The following GTF3C3 variants were observed in gnomAD, a reference collection of about 807,000 sequenced individuals.
GTF3C3 encodes the protein general transcription factor 3C polypeptide 3.
GTF3C3 carries 75 observed loss-of-function variants against 105.2 expected under a neutral mutation model. The ratio of observed to expected loss-of-function variants is 0.71; its 90% confidence interval spans 0.59 to 0.86. The LOEUF is 0.86. Among genes scored for constraint, GTF3C3 ranks in the 40% least tolerant of loss-of-function variants. The pLI is 0.00. For synonymous variants in GTF3C3, 335 were observed against 370.4 expected (o/e 0.90, Z 1.10); for missense variants, 856 against 1,076.5 (o/e 0.80, Z 2.87).
At chr2:196,791,995 G>A (rs1420721301) in intron 3 of GTF3C3, 1 of 149,420 alleles carries the variant, frequency 6.7e-6, no homozygotes, top group East Asian at 2.0e-4. Context: ...GTGGTCAGAA[G>A]TTACTAAATT....
chr2:196,764,464 T>TGTCA lies in GTF3C3; in HGVS notation c.*95_*98dup. 1 of 1,059,612 alleles carries TGTCA rather than the reference T, an allele frequency of 9.4e-7. No homozygotes were observed. Among genetic ancestry groups the TGTCA allele is most frequent in the Non-Finnish European group, 1.3e-6 (1 of 753,854 alleles). 65.6% of individuals were successfully genotyped at this position (1,059,612 alleles called of 1,614,324 possible). A position where few individuals can be genotyped will look rare whatever the true frequency, so the allele number is the denominator to read the frequency against. ...ACTGTTTGTTAGGTAATTCTGAAAT[T>TGTCA]GTCATTTCTATTTTGGAGTTACAAA... On this transcript the variant is annotated 3_prime_UTR_variant, in exon 18 of 18. Coordinates refer to ENST00000263956, the MANE Select transcript of GTF3C3 (RefSeq NM_012086.5).
chr2:196,772,922 T>G lies in GTF3C3; in HGVS notation c.2063A>C (p.Tyr688Ser). ...TAAATAACTGGGAAATCACCTGATA[T>G]AGTTGTATGCCTTTCTGAAATTTTT... ...LDKNFRKAYN[Y>S]IRIMVMENVN... The change falls in exon 14 of 18, where the codon TAT becomes TCT. Residue 688 changes from tyrosine (Y) to serine (S), a missense_variant. Physicochemically the swap from Tyr to Ser is moderately radical, Grantham distance 144. Transcript: ENST00000263956. 2.1e-6 allele frequency: 3 copies of G among 1,442,304 alleles called. No homozygotes were observed. The highest frequency in any genetic ancestry group is 1.9e-6 in the Non-Finnish European group (2 of 1,051,194). The allele number at this position is 1,442,304 out of a possible 1,614,324, so 89.3% of individuals were successfully genotyped here.
intron 8 of GTF3C3, among the ~76,000 whole-genome samples, chr2:196,783,043 C>G (rs1443130725): frequency 2.6e-5 from 4 of 152,240 alleles, no homozygotes; most frequent in African/African-American, 9.6e-5. Context: ...CATAAATGGT[C>G]TCATTTTTTA....
rs1019484735 is a variant in GTF3C3 at position 196,780,682 on chromosome 2, G to A, written c.1115-20C>T. ...CAGGAGCTGGAGAATACACAGACAA[G>A]AAGCAGTTACTATATGCAAGCTTGA... On this transcript the variant is annotated intron_variant, in intron 8 of 17. Transcript: ENST00000263956. The A allele has an allele frequency of 3.1e-6, 5 of 1,605,096 alleles. No individual in the cohort carries two copies. Among genetic ancestry groups the A allele is most frequent in the Non-Finnish European group, 4.3e-6 (5 of 1,174,640 alleles).
rs1381264606 is a variant in GTF3C3, at chr2:196,773,103, G to C, written c.1882C>G (p.Leu628Val). 1.2e-6 allele frequency: 2 copies of C among 1,612,730 alleles called. No individual in the cohort carries two copies. The highest frequency in any genetic ancestry group is 1.7e-6 in the Non-Finnish European group (2 of 1,179,454). ...AAGGAGTATATGGCCTTCAACAGAAGATTCCACCAGTCATCCTTTGTCAAG... is the reference window on the plus strand; with the variant it reads ...AAGGAGTATATGGCCTTCAACAGAACATTCCACCAGTCATCCTTTGTCAAG... ...SVLTKDDWWN[L>V]LLKAIYSLCD... Residue 628 changes from leucine to valine, a missense_variant, in exon 14 of 18, where the codon CTT (leucine) becomes GTT (valine). Coordinates refer to ENST00000263956, the MANE Select transcript of GTF3C3 (RefSeq NM_012086.5).
intron 10 of GTF3C3, 139 bp downstream of exon 10, chr2:196,778,757 A>T: frequency 1.4e-6 from 1 of 714,244 alleles, no homozygotes; most frequent in South Asian, 1.7e-5. Context: ...GCCTAGCAAG[A>T]CAATTTAAAA....
chr2:196,768,232 G>C (rs1308737161), intron 16 of GTF3C3, among the ~76,000 whole-genome samples: 1 of 135,406 alleles, frequency 7.4e-6, no homozygotes, highest in Non-Finnish European at 1.5e-5. Context: ...GGCCAGGCTG[G>C]TCTCAAACTC....
chr2:196,764,745 A>T, intron 17 of GTF3C3, 60 bp from the exon 18 acceptor site: 1 of 1,447,748 alleles, frequency 6.9e-7, no homozygotes, highest in Non-Finnish European at 9.5e-7. Flanking sequence ...GGACAATTTT[A>T]TGGCAAATTA....
At chr2:196,795,926 G>A (rs1342784444) in intron 2 of GTF3C3, among the ~76,000 whole-genome samples, 1 of 152,152 alleles carries the variant, frequency 6.6e-6, no homozygotes, top group African/African-American at 2.4e-5. Context: ...AATTTAGCAA[G>A]GTTGCTGAAC....
rs1559295427 is a variant in GTF3C3 at position 196,764,635 on chromosome 2, C to CAAGTT, written c.2584_2588dup (p.Ser864ThrfsTer56). Reference sequence around the variant, plus strand: ...TCCCACTGCTCTGATAGATGAGAGACAAGTTGTAGGCAATATCTCTTCGTA... The same window carrying CAAGTT: ...TCCCACTGCTCTGATAGATGAGAGACAAGTTAAGTTGTAGGCAATATCTCTTCGTA... On this transcript the variant is annotated frameshift_variant, in exon 18 of 18. Transcript: ENST00000263956. LOFTEE classifies it high-confidence loss of function. 3 of 1,611,766 alleles carry CAAGTT rather than the reference C, an allele frequency of 1.9e-6. No individual in the cohort carries two copies. In the African/African-American group the frequency reaches 4.0e-5, roughly 22 times the overall value.
chr2:196,776,473 A>G lies in GTF3C3; in HGVS notation c.1547T>C (p.Met516Thr), dbSNP rs1212530370. 1 of 1,614,058 alleles carries G rather than the reference A, an allele frequency of 6.2e-7. No individual in the cohort carries two copies. Among genetic ancestry groups the G allele is most frequent in the African/African-American group, 1.3e-5 (1 of 74,940 alleles). ...PEKALEALEP[M>T]YDPDTLAQDA... ...CTGTGCTAAAGTATCTGGATCATAC[A>G]TTGGTTCCAGAGCTTCCAGAGCTTT... The change falls in exon 11 of 18, where the codon ATG becomes ACG. Residue 516 changes from methionine (M) to threonine (T), a missense_variant. This residue lies in a region of GTF3C3 where 605 missense variants were observed against 833.6 expected (regional missense o/e 0.73). Coordinates refer to ENST00000263956, the MANE Select transcript of GTF3C3 (RefSeq NM_012086.5). The surrounding 1 kb of genome is among the most constrained non-coding windows in gnomAD (Gnocchi z 4.5).
At chr2:196,799,345 G>A in intron 1 of GTF3C3, 165 bp downstream of exon 1, 1 of 608,420 alleles carries the variant, frequency 1.6e-6, no homozygotes, top group South Asian at 2.0e-5. Flanking sequence ...AAGGAGCTTA[G>A]CACAGGGATG....
intron 4 of GTF3C3, among the ~76,000 whole-genome samples, chr2:196,790,619 G>C (rs1049464581): frequency 6.6e-6 from 1 of 151,960 alleles, no homozygotes; most frequent in African/African-American, 2.4e-5. Context: ...CTAAAATAAA[G>C]GAACAAATAA....
chr2:196,778,076 C>G (rs1051224709), intron 10 of GTF3C3: 1 of 152,212 alleles, frequency 6.6e-6, no homozygotes, highest in Non-Finnish European at 1.5e-5. Context: ...GAGTGCACTA[C>G]TGCCCCAAAA....
rs78492445 is a variant in GTF3C3, at chr2:196,795,567, G to A, written c.214+2230C>T. Among the ~76,000 whole-genome samples, 335 of 152,210 alleles carry A rather than the reference G, an allele frequency of 2.2e-3. 2 individuals carry two copies. The highest frequency in any genetic ancestry group is 7.7e-3 in the African/African-American group (318 of 41,524). ...ACAAAGGAACAAAAGAAGAAAAATCGTATGATCCATCCTGATAGAACGAAG... is the reference window on the plus strand; with the variant it reads ...ACAAAGGAACAAAAGAAGAAAAATCATATGATCCATCCTGATAGAACGAAG... On this transcript the variant is annotated intron_variant, in intron 2 of 17. Transcript: ENST00000263956.
chr2:196,772,261 T>C (rs1699186987), intron 14 of GTF3C3, among the ~76,000 whole-genome samples: 1 of 152,188 alleles, frequency 6.6e-6, no homozygotes, highest in South Asian at 2.1e-4. Context: ...CAATTCATAA[T>C]ATTTGCCAGG....
chr2:196,776,125 C>T lies in GTF3C3; in HGVS notation c.1594-14G>A. The T allele has an allele frequency of 9.7e-6, 13 of 1,341,448 alleles. No homozygotes were observed. Among genetic ancestry groups the T allele is most frequent in the Non-Finnish European group, 1.4e-5 (13 of 954,258 alleles). 83.1% of individuals were successfully genotyped at this position (1,341,448 alleles called of 1,614,324 possible). A position where few individuals can be genotyped will look rare whatever the true frequency, so the allele number is the denominator to read the frequency against. The stretch of plus-strand genomic sequence containing the variant: ...TAACTTCAGTTCCTAAACAAATAAG[C>T]ACATGATGATGAGCCTAACAAGATT... On this transcript the variant is annotated splice_polypyrimidine_tract_variant and intron_variant, in intron 11 of 17. Coordinates refer to ENST00000263956, the MANE Select transcript of GTF3C3 (RefSeq NM_012086.5). The surrounding 1 kb of genome is among the most constrained non-coding windows in gnomAD (Gnocchi z 4.5).
intron 16 of GTF3C3, 91 bp from the exon 17 acceptor site, chr2:196,766,808 ATT>A: frequency 1.0e-6 from 1 of 978,948 alleles, no homozygotes; most frequent in Non-Finnish European, 1.5e-6. Flanking sequence ...AAATACAAAT[ATT>A]TTTTAAAAAC....
rs947969334 is a variant in GTF3C3 at position 196,786,524 on chromosome 2, T to C, written c.894-936A>G. ...CATCTGCCTTCCCCTTTATCAAGGA[T>C]AAATAATTGTATACATGAAAATAAC... is the stretch of plus-strand genomic sequence containing the variant. On this transcript the variant is annotated intron_variant, in intron 6 of 17. Coordinates refer to ENST00000263956, the MANE Select transcript of GTF3C3 (RefSeq NM_012086.5). This position sits in a 1 kb window ranked among gnomAD's most constrained non-coding sequence, Gnocchi z 4.2. Among the ~76,000 whole-genome samples, 6 of 152,150 alleles carry C rather than the reference T, an allele frequency of 3.9e-5. No homozygotes were observed. Among genetic ancestry groups the C allele is most frequent in the African/African-American group, 1.4e-4 (6 of 41,420 alleles).
Sources: allele counts gnomAD v4.1 joint callset (sites outside exome capture counted in the v4.1 genomes callset), GRCh38; gene constraint gnomAD v4.1.1; regional missense constraint gnomAD v4.1.1; non-coding constraint Gnocchi (gnomAD v3.1); transcripts MANE v1.5; gene names NCBI Gene and HGNC (gene_info 2026-07-23, HGNC 2026-07-21).